APBB1IP: variants seen among roughly 807,000 people sequenced by gnomAD.
APBB1IP encodes amyloid beta A4 precursor protein-binding family B member 1-interacting protein.
Under a neutral mutation model 64.9 loss-of-function variants are expected in APBB1IP, and 27 were observed. The observed-to-expected ratio is 0.42, with a 90% CI of 0.31 to 0.57. APBB1IP has a LOEUF of 0.57. APBB1IP is among the 20% of genes least tolerant of loss of function. The pLI is 0.20. For synonymous variants in APBB1IP, 392 were observed against 331.0 expected, an observed-to-expected ratio of 1.18 and a Z score of -2.00; for missense variants, 812 against 845.5, an observed-to-expected ratio of 0.96 and a Z score of 0.49.
intron 8 of APBB1IP, among the ~76,000 whole-genome samples, chr10:26,525,308 C>T (rs1319281659): frequency 3.9e-5 from 6 of 151,966 alleles, no homozygotes; most frequent in Admixed American, 3.9e-4. Flanking sequence ...GCTCAGAGTT[C>T]AGTCTTCTAC....
chr10:26,471,168 G>C (rs1183753449), intron 2 of APBB1IP, among the ~76,000 whole-genome samples: 1 of 152,150 alleles, frequency 6.6e-6, no homozygotes, highest in African/African-American at 2.4e-5. Context: ...GCTGGGTTTT[G>C]AACTCTGTCC....
intron 2 of APBB1IP, among the ~76,000 whole-genome samples, chr10:26,465,580 T>C (rs1439863600): frequency 2.0e-5 from 3 of 152,220 alleles, no homozygotes; most frequent in Non-Finnish European, 4.4e-5. Context: ...AGAAAAGATA[T>C]TTACATTTTT....
At chr10:26,521,000 T>C (rs117272739) in intron 8 of APBB1IP, among the ~76,000 whole-genome samples, 4,575 of 152,322 alleles carry the variant, frequency 0.03, 78 homozygotes, top group Non-Finnish European at 0.047. Flanking sequence ...AGGAAGGAAT[T>C]CCAAAAGGAT....
chr10:26,515,245 C>G (rs867765594), intron 8 of APBB1IP, among the ~76,000 whole-genome samples: 2 of 152,140 alleles, frequency 1.3e-5, no homozygotes, highest in Non-Finnish European at 2.9e-5. Flanking sequence ...CAAAGAGACT[C>G]TTAAATCAGT....
intron 14 of APBB1IP, among the ~76,000 whole-genome samples, chr10:26,564,506 G>A (rs1346020783): frequency 6.6e-6 from 1 of 152,172 alleles, no homozygotes; most frequent in African/African-American, 2.4e-5. Context: ...TCATGCAGTT[G>A]AGAAATGGTA....
At chr10:26,463,644 T>C (rs1298303768) in intron 2 of APBB1IP, among the ~76,000 whole-genome samples, 5 of 152,176 alleles carry the variant, frequency 3.3e-5, no homozygotes, top group Admixed American at 3.3e-4. Flanking sequence ...TTCCACGTTA[T>C]TTAAGGCAAG....
intron 2 of APBB1IP, among the ~76,000 whole-genome samples, chr10:26,450,687 A>AT (rs1337191403): frequency 3.4e-5 from 3 of 87,356 alleles, no homozygotes; most frequent in Non-Finnish European, 4.6e-5. Context: ...TGGAACTCAG[A>AT]TTCTTTTTTT....
At chr10:26,469,539 C>T (rs888044593) in intron 2 of APBB1IP, among the ~76,000 whole-genome samples, 3 of 151,962 alleles carry the variant, frequency 2.0e-5, no homozygotes, top group South Asian at 2.1e-4. Context: ...CGTGAACCAC[C>T]GCACCTGGCC....
chr10:26,531,960 C>T (rs550215267), intron 8 of APBB1IP, among the ~76,000 whole-genome samples: 49 of 152,166 alleles, frequency 3.2e-4, no homozygotes, highest in Non-Finnish European at 3.2e-4. Context: ...GAAAAGCCAA[C>T]GATAAGAAAA....
chr10:26,507,295 C>A (rs1836194117), intron 6 of APBB1IP, among the ~76,000 whole-genome samples: 2 of 152,124 alleles, frequency 1.3e-5, no homozygotes, highest in African/African-American at 4.8e-5. Flanking sequence ...GAGTTAAGAC[C>A]AGCCTGGGCA....
At chr10:26,563,594 G>A (rs1267235214) in intron 14 of APBB1IP, among the ~76,000 whole-genome samples, 1 of 152,046 alleles carries the variant, frequency 6.6e-6, no homozygotes, top group Non-Finnish European at 1.5e-5. Context: ...TTAGTTCAAA[G>A]CTTCTCAGCT....
intron 2 of APBB1IP, among the ~76,000 whole-genome samples, chr10:26,457,216 C>G (rs555824903): frequency 6.6e-6 from 1 of 152,142 alleles, no homozygotes; most frequent in African/African-American, 2.4e-5. Flanking sequence ...GTTTCTTCTC[C>G]GAGCCTTGTC....
At chr10:26,545,768 A>C (rs1317562681) in intron 11 of APBB1IP, among the ~76,000 whole-genome samples, 1 of 73,996 alleles carries the variant, frequency 1.4e-5, no homozygotes, top group Non-Finnish European at 2.5e-5. Flanking sequence ...TCAAAAAAAA[A>C]ACAAACAAAC....
At chr10:26,541,360 A>T (rs1836694525) in intron 10 of APBB1IP, among the ~76,000 whole-genome samples, 1 of 152,194 alleles carries the variant, frequency 6.6e-6, no homozygotes, top group South Asian at 2.1e-4. Flanking sequence ...TTATGTATAG[A>T]TCTTACTAAA....
chr10:26,536,362 T>A, intron 10 of APBB1IP, 145 bp downstream of exon 10: 2 of 852,994 alleles, frequency 2.3e-6, no homozygotes, highest in Non-Finnish European at 1.7e-6. Flanking sequence ...AGGACAGTAT[T>A]ATTGAAATCT....
intron 2 of APBB1IP, among the ~76,000 whole-genome samples, chr10:26,455,525 AAG>A (rs1835514513): frequency 6.6e-6 from 1 of 151,210 alleles, no homozygotes; most frequent in East Asian, 1.9e-4. Context: ...AAAAAAAAAA[AAG>A]AATAATAATA....
At chr10:26,440,199 A>T (rs139462174) in intron 2 of APBB1IP, among the ~76,000 whole-genome samples, 1 of 152,146 alleles carries the variant, frequency 6.6e-6, no homozygotes, top group Non-Finnish European at 1.5e-5. Flanking sequence ...CCCCATCTAG[A>T]TAAGGATGAT....
chr10:26,508,580 C>A (rs1397629968), intron 6 of APBB1IP, among the ~76,000 whole-genome samples: 1 of 151,820 alleles, frequency 6.6e-6, no homozygotes, highest in Non-Finnish European at 1.5e-5. Flanking sequence ...AAGTATTTAG[C>A]TTGCTAAATC....
chr10:26,448,954 C>A (rs2992258), intron 2 of APBB1IP, among the ~76,000 whole-genome samples: 31,848 of 152,120 alleles, frequency 0.21, 4,300 homozygotes, highest in East Asian at 0.49. Flanking sequence ...AAGCATAACA[C>A]TCTCATCGAC....
Sources: gnomAD v4.1 joint callset for allele counts (sites outside exome capture counted in the v4.1 genomes callset) on GRCh38, gnomAD v4.1.1 for gene constraint, MANE v1.5 for transcripts, NCBI Gene and HGNC (gene_info 2026-07-23, HGNC 2026-07-21) for gene names.